Variants in ILRUN observed in about 807,000 individuals in gnomAD.
ILRUN encodes the protein inflammation and lipid regulator with UBA-like and NBR1-like domains, also known as protein ILRUN.
ILRUN carries 3 observed loss-of-function variants against 33.8 expected under a neutral mutation model. The ratio of observed to expected loss-of-function variants is 0.09; its 90% CI spans 0.04 to 0.23. The LOEUF (loss-of-function observed/expected upper bound fraction) is 0.23, where lower values mean the gene tolerates loss of function less well. Ranked by LOEUF, ILRUN falls within the 10% of genes least tolerant of loss-of-function variation. The probability of loss-of-function intolerance (pLI) is 1.00; values close to 1 mark genes in which losing one functional copy is unlikely to be tolerated. For synonymous variants in ILRUN, 124 were observed against 138.9 expected (o/e 0.89, Z 0.75); for missense variants, 210 against 375.1 (o/e 0.56, Z 3.64).
Position 34,683,444 on chromosome 6 carries a change from A to AT in ILRUN, c.158+13001dup, listed in dbSNP as rs1562032925. ...CATATATATACATATATATATACATATATATATACATATATATACATATAT... is the reference window on the plus strand; with the variant it reads ...CATATATATACATATATATATACATATTATATATACATATATATACATATAT... On this transcript the variant is annotated intron_variant, in intron 1 of 4. Coordinates refer to ENST00000374023, the MANE Select transcript of ILRUN (RefSeq NM_024294.4). Among the ~76,000 whole-genome samples the AT allele has an allele frequency of 6.8e-4, 53 of 78,032 alleles. 1 individual carries two copies. The highest frequency in any genetic ancestry group is 3.5e-3 in the African/African-American group (51 of 14,616). The allele number at this position is 78,032 out of a possible 152,430, so 51.2% of individuals were successfully genotyped here.
chr6:34,681,069 AT>A (rs1349910096), intron 1 of ILRUN, among the ~76,000 whole-genome samples: 7 of 152,298 alleles, frequency 4.6e-5, no homozygotes, highest in South Asian at 4.1e-4. Context: ...AAAGTAAAAA[AT>A]AAAATTTACT....
chr6:34,590,428 C>T lies in ILRUN; in HGVS notation c.*137G>A. 7.9e-7 allele frequency: 1 copy of T among 1,269,532 alleles called. No homozygotes were observed. Among genetic ancestry groups the T allele is most frequent in the Middle Eastern group, 2.7e-4 (1 of 3,640 alleles). 78.6% of individuals were successfully genotyped at this position (1,269,532 alleles called of 1,614,324 possible). ...CAAAACTAGTCTGTTCTGCTTCTTC[C>T]TCTTCTTCCGGGATGAGAGGGGGTC... On this transcript the variant is annotated 3_prime_UTR_variant, in exon 5 of 5. Coordinates refer to ENST00000374023, the MANE Select transcript of ILRUN (RefSeq NM_024294.4).
chr6:34,683,491 TATATATAC>T lies in ILRUN; in HGVS notation c.158+12947_158+12954del, dbSNP rs1562033191. Among the ~76,000 whole-genome samples the T allele has an allele frequency of 1.8e-4, 17 of 92,924 alleles. 1 individual carries two copies. The highest frequency in any genetic ancestry group is 1.1e-3 in the African/African-American group (17 of 15,268). The allele number at this position is 92,924 out of a possible 152,430, so 61.0% of individuals were successfully genotyped here. A position where few individuals can be genotyped will look rare whatever the true frequency, so the allele number is the denominator to read the frequency against. On this transcript the variant is annotated intron_variant, in intron 1 of 4. Transcript: ENST00000374023. ...ATATATACACATATATATATACATA[TATATATAC>T]ATATATATATATATACATATATATA...
chr6:34,634,354 G>A (rs74839054), intron 3 of ILRUN, among the ~76,000 whole-genome samples: 9,442 of 152,072 alleles, frequency 0.062, 505 homozygotes, highest in East Asian at 0.32. Context: ...ACACTTAGAG[G>A]AAAATTTATA....
At chr6:34,688,098 T>TA (rs767779017) in intron 1 of ILRUN, among the ~76,000 whole-genome samples, 1 of 149,998 alleles carries the variant, frequency 6.7e-6, no homozygotes, top group South Asian at 2.1e-4. Context: ...TATCAAGCCA[T>TA]AAAAAAAGAG....
intron 1 of ILRUN, among the ~76,000 whole-genome samples, chr6:34,683,507 T>TACAC (rs1159448816): frequency 1.3e-5 from 1 of 74,710 alleles, no homozygotes; most frequent in Non-Finnish European, 2.4e-5. Flanking sequence ...TACATATATA[T>TACAC]ATATATACAT....
At chr6:34,677,746 C>T (rs181225782) in intron 1 of ILRUN, among the ~76,000 whole-genome samples, 19 of 151,990 alleles carry the variant, frequency 1.3e-4, no homozygotes, top group East Asian at 5.8e-4. Context: ...CCCAGGAGTT[C>T]GAGGCCAGTC....
At position 34,592,861 on chromosome 6, in the gene ILRUN, G is replaced by GA. The variant is rs201638665; in HGVS notation, c.862-2262dup. Among the ~76,000 whole-genome samples the GA allele has an allele frequency of 1.2e-4, 18 of 150,636 alleles. No individual in the cohort carries two copies. The highest frequency in any genetic ancestry group is 3.9e-4 in the East Asian group (2 of 5,164). On this transcript the variant is annotated intron_variant, in intron 4 of 4. Coordinates refer to ENST00000374023, the MANE Select transcript of ILRUN (RefSeq NM_024294.4). This position sits in a 1 kb window ranked among gnomAD's most constrained non-coding sequence, Gnocchi z 4.0. ...ACAATGCTCAAAGGTCTCTGTGCAG[G>GA]AAAAAAAAATGCACAGCAAAAAGAA...
intron 3 of ILRUN, among the ~76,000 whole-genome samples, chr6:34,613,780 G>GTATT (rs1276178115): frequency 6.6e-6 from 1 of 152,210 alleles, no homozygotes; most frequent in Non-Finnish European, 1.5e-5. Flanking sequence ...GTGCATACAT[G>GTATT]TATTATCTAG....
rs2127344590 is a variant in ILRUN at position 34,625,349 on chromosome 6, GCA to G, written c.512-18447_512-18446del. On this transcript the variant is annotated intron_variant, in intron 3 of 4. Transcript: ENST00000374023. ...ACAGAGCTCTGGGGGCATTAATTCA[GCA>G]CCAAACTGAGTAGGTCTATCAACAT... 1.3e-5 allele frequency among the ~76,000 whole-genome samples: 2 copies of G among 152,246 alleles called. 1 individual carries two copies. The highest frequency in any genetic ancestry group is 4.1e-4 in the South Asian group (2 of 4,822).
At chr6:34,654,487 C>A (rs570092955) in intron 2 of ILRUN, 138 bp downstream of exon 2, 24 of 839,418 alleles carry the variant, frequency 2.9e-5, no homozygotes, top group Non-Finnish European at 3.6e-5. Context: ...CACACCAGTA[C>A]AAGAAAATAC....
chr6:34,639,534 A>G lies in ILRUN; in HGVS notation c.511+7067T>C, dbSNP rs1004673562. ...CTGCTTACCCTTTGCCCAGAGTCCAATGTCCTATAGAACTGAGTATCTTCT... is the reference window on the plus strand; with the variant it reads ...CTGCTTACCCTTTGCCCAGAGTCCAGTGTCCTATAGAACTGAGTATCTTCT... On this transcript the variant is annotated intron_variant, in intron 3 of 4. Transcript: ENST00000374023. 3.3e-5 allele frequency among the ~76,000 whole-genome samples: 5 copies of G among 152,200 alleles called. No individual in the cohort carries two copies. The South Asian group carries it at 1.0e-3, about 32-fold the overall frequency.
intron 1 of ILRUN, among the ~76,000 whole-genome samples, chr6:34,684,723 A>G (rs1270758184): frequency 1.3e-5 from 2 of 152,240 alleles, no homozygotes; most frequent in African/African-American, 4.8e-5. Context: ...GGTAGAAAGG[A>G]AAGAATAGCA....
At chr6:34,686,692 G>A (rs1409367458) in intron 1 of ILRUN, 1 of 210,844 alleles carries the variant, frequency 4.7e-6, no homozygotes, top group East Asian at 1.2e-4. Context: ...AGGCAGGCCG[G>A]GCGCGGTGGC....
rs1762739315 is a variant in ILRUN at position 34,654,897 on chromosome 6, A to C, written c.159-118T>G. ...TGTCACAGAACCTGAGGCTCCTGGT[A>C]TACACGTCTTTAAAGCCTTCTATTC... On this transcript the variant is annotated intron_variant, in intron 1 of 4. Transcript: ENST00000374023. 3.2e-6 allele frequency: 3 copies of C among 928,664 alleles called. No homozygotes were observed. The South Asian group carries it at 6.4e-5, about 20-fold the overall frequency. The allele number at this position is 928,664 out of a possible 1,614,324, so 57.5% of individuals were successfully genotyped here. A position where few individuals can be genotyped will look rare whatever the true frequency, so the allele number is the denominator to read the frequency against.
intron 4 of ILRUN, among the ~76,000 whole-genome samples, chr6:34,594,761 C>T (rs1761366174): frequency 6.6e-6 from 1 of 152,228 alleles, no homozygotes; most frequent in Admixed American, 6.5e-5. Context: ...GGGGAAGAGA[C>T]TTTTGCCTTA....
chr6:34,645,489 C>T (rs965768548), intron 3 of ILRUN, among the ~76,000 whole-genome samples: 14 of 152,094 alleles, frequency 9.2e-5, no homozygotes, highest in African/African-American at 3.1e-4. Flanking sequence ...ATTCTCCCAC[C>T]TCAGCCTCCC....
At chr6:34,691,335 G>T (rs1384811887) in intron 1 of ILRUN, among the ~76,000 whole-genome samples, 2 of 152,242 alleles carry the variant, frequency 1.3e-5, no homozygotes, top group East Asian at 3.9e-4. Context: ...TTAGATATTG[G>T]GTTTACTTTC....
intron 3 of ILRUN, among the ~76,000 whole-genome samples, chr6:34,612,393 C>T (rs1761774921): frequency 6.6e-6 from 1 of 151,932 alleles, no homozygotes; most frequent in Non-Finnish European, 1.5e-5. Context: ...TCAGCCTGGG[C>T]AACAGTGAGA....
Sources: allele counts gnomAD v4.1 joint callset (sites outside exome capture counted in the v4.1 genomes callset), GRCh38; gene constraint gnomAD v4.1.1; non-coding constraint Gnocchi (gnomAD v3.1); transcripts MANE v1.5; gene names NCBI Gene and HGNC (gene_info 2026-07-23, HGNC 2026-07-21).